Variants in SLC4A11 observed in about 807,000 individuals in gnomAD.
SLC4A11 encodes solute carrier family 4 member 11, also known as bicarbonate transporter related protein 1.
In SLC4A11, 74 loss-of-function variants were observed where a neutral mutation model predicts 95.0. The observed-to-expected ratio is 0.78, with a 90% CI of 0.65 to 0.95. The LOEUF (loss-of-function observed/expected upper bound fraction) is 0.95, where lower values mean the gene tolerates loss of function less well. SLC4A11 is among the 40% of genes least tolerant of loss of function. The pLI is 0.00. For synonymous variants in SLC4A11, 548 were observed against 519.0 expected (o/e 1.06, Z -0.76); for missense variants, 1,081 against 1,192.4 (o/e 0.91, Z 1.38).
intron 1 of SLC4A11, chr20:3,237,835 C>A: frequency 6.4e-7 from 1 of 1,559,104 alleles, no homozygotes; most frequent in South Asian, 1.2e-5. Flanking sequence ...CCAGGCGGGC[C>A]AGAGGCGAGG....
chr20:3,229,057 C>CGGGG (rs767801786), intron 16 of SLC4A11, 38 bp downstream of exon 16: 35 of 1,551,276 alleles, frequency 2.3e-5, no homozygotes, highest in Non-Finnish European at 2.9e-5. Flanking sequence ...AGCAGAGGCC[C>CGGGG]GGGCCCCGCC....
intron 10 of SLC4A11, 21 bp downstream of exon 10, chr20:3,230,912 C>A: frequency 1.2e-6 from 2 of 1,612,700 alleles, no homozygotes; most frequent in Non-Finnish European, 1.7e-6. Context: ...CCCCACCCAC[C>A]GCCCACCGCC....
At chr20:3,236,026 C>A (rs187601322) in intron 2 of SLC4A11, among the ~76,000 whole-genome samples, 80 of 152,270 alleles carry the variant, frequency 5.3e-4, no homozygotes, top group Non-Finnish European at 7.5e-4. Context: ...AGGAAAGGGG[C>A]CCTTATAGCC....
intron 1 of SLC4A11, chr20:3,238,108 C>A (rs943705047): frequency 1.4e-6 from 2 of 1,457,232 alleles, no homozygotes; most frequent in African/African-American, 2.9e-5. Context: ...CCCCGGGTCA[C>A]ACGGGGGCCG....
chr20:3,229,274 G>C lies in SLC4A11; in HGVS notation c.1850-11C>G. 1.9e-6 allele frequency: 3 copies of C among 1,612,990 alleles called. No individual in the cohort carries two copies. The highest frequency in any genetic ancestry group is 2.5e-6 in the Non-Finnish European group (3 of 1,179,954). ...AGCGGAACTTGCTCACTGCAGTAGG[G>C]GACAGGCTACTGCTATGCCTGCAGC... On this transcript the variant is annotated splice_polypyrimidine_tract_variant and intron_variant, in intron 15 of 19. Coordinates refer to ENST00000642402, the MANE Select transcript of SLC4A11 (RefSeq NM_001174089.2).
At chr20:3,237,907 C>G in intron 1 of SLC4A11, 1 of 1,550,706 alleles carries the variant, frequency 6.4e-7, no homozygotes, top group Non-Finnish European at 8.7e-7. Context: ...TTCGCTAATC[C>G]AGGTTTTCCT....
At chr20:3,236,121 C>T (rs963129088) in intron 2 of SLC4A11, among the ~76,000 whole-genome samples, 4 of 152,198 alleles carry the variant, frequency 2.6e-5, no homozygotes, top group Middle Eastern at 3.2e-3. Flanking sequence ...GAGTGACTCA[C>T]CCTGACTCAC....
chr20:3,236,129 C>A (rs1360873115), intron 2 of SLC4A11, among the ~76,000 whole-genome samples: 2 of 152,182 alleles, frequency 1.3e-5, no homozygotes, highest in Non-Finnish European at 2.9e-5. Context: ...CACCCTGACT[C>A]ACTTCTACTC....
In SLC4A11 at chr20:3,230,950, T is replaced by C; in HGVS notation, c.1151A>G (p.Asn384Ser). Residue 384 changes from asparagine to serine, a missense_variant, in exon 10 of 20, where the codon AAC (asparagine) becomes AGC (serine). Around this residue, in one of 3 missense-constraint regions of SLC4A11, gnomAD observed 767 missense variants for 858.0 expected, o/e 0.89. Coordinates refer to ENST00000642402, the MANE Select transcript of SLC4A11 (RefSeq NM_001174089.2). Reference protein sequence around the residue: ...TIAFGSLNDENTDGAIDVQKT... With the variant: ...TIAFGSLNDESTDGAIDVQKT... ...CCCCTCACCGATGGCCCCGTCTGTG[T>C]TCTCGTCATTGAGAGACCCGAAAGC... The C allele has an allele frequency of 6.2e-7, 1 of 1,612,788 alleles. No individual in the cohort carries two copies. The highest frequency in any genetic ancestry group is 8.5e-7 in the Non-Finnish European group (1 of 1,179,596).
Position 3,228,691 on chromosome 20 carries a change from CCTT to C in SLC4A11, c.2206_2208del (p.Lys736del). 6.2e-7 allele frequency: 1 copy of C among 1,612,972 alleles called. No individual in the cohort carries two copies. Among genetic ancestry groups the C allele is most frequent in the Non-Finnish European group, 8.5e-7 (1 of 1,179,910 alleles). On this transcript the variant is annotated inframe_deletion, in exon 18 of 20. Coordinates refer to ENST00000642402, the MANE Select transcript of SLC4A11 (RefSeq NM_001174089.2). ...GCGCCCAGCGAGGTCAGCCGCGTCT[CCTT>C]CACGTTCACAATCCTGCGGTGGCCC...
intron 1 of SLC4A11, 157 bp downstream of exon 1, chr20:3,238,938 C>T (rs1445615340): frequency 9.5e-5 from 120 of 1,262,318 alleles, no homozygotes; most frequent in Non-Finnish European, 1.1e-4. Context: ...GCACCCGCGC[C>T]CTCCTCCCCG....
In SLC4A11 at chr20:3,231,363, G is replaced by A. The variant is rs764704920; in HGVS notation, c.915C>T (p.Ser305=). ...GPVAPRTKER[S]TVSLPAHRHP... ...GTCTGTGGGCAGGGAGGGAGACTGT[G>A]CTGCGTTCCTTCGTTCTCGGCGCCA... Residue 305 remains serine, a synonymous_variant, in exon 8 of 20, where the codon AGC becomes AGT. Coordinates refer to ENST00000642402, the MANE Select transcript of SLC4A11 (RefSeq NM_001174089.2). The surrounding 1 kb of genome is among the most constrained non-coding windows in gnomAD (Gnocchi z 5.2). 8.4e-5 allele frequency: 136 copies of A among 1,613,962 alleles called. No individual in the cohort carries two copies. Among genetic ancestry groups the A allele is most frequent in the Non-Finnish European group, 1.1e-4 (127 of 1,180,042 alleles).
At position 3,227,663 on chromosome 20, in the gene SLC4A11, G is replaced by T; in HGVS notation, c.*124C>A. On this transcript the variant is annotated 3_prime_UTR_variant, in exon 20 of 20. Transcript: ENST00000642402. ...CAATGCCCAGATGCCCCAGGCCTGA[G>T]TCAGCCATGAGAAGGCGCAGCACAG... 1 of 1,018,680 alleles carries T rather than the reference G, an allele frequency of 9.8e-7. No homozygotes were observed. The highest frequency in any genetic ancestry group is 1.5e-6 in the Non-Finnish European group (1 of 673,324). 63.1% of individuals were successfully genotyped at this position (1,018,680 alleles called of 1,614,324 possible).
intron 6 of SLC4A11, 56 bp from the exon 7 acceptor site, chr20:3,233,693 C>T (rs2067860758): frequency 6.2e-7 from 1 of 1,604,258 alleles, no homozygotes; most frequent in Non-Finnish European, 8.5e-7. Flanking sequence ...GCTGGGGCTC[C>T]CCGACCCAGA....
chr20:3,237,965 C>A lies in SLC4A11; in HGVS notation c.44-377G>T, dbSNP rs773188137. ...GCGAGAGGAAGGGACCGGGCCCGAGCGGGCCTCTCCCCCTCTCTCCTCGGA... is the reference window on the plus strand; with the variant it reads ...GCGAGAGGAAGGGACCGGGCCCGAGAGGGCCTCTCCCCCTCTCTCCTCGGA... On this transcript the variant is annotated intron_variant, in intron 1 of 19. Coordinates refer to ENST00000642402, the MANE Select transcript of SLC4A11 (RefSeq NM_001174089.2). 5.8e-6 allele frequency: 9 copies of A among 1,550,300 alleles called. 1 individual carries two copies. The South Asian group carries it at 1.1e-4, about 18-fold the overall frequency.
Position 3,234,362 on chromosome 20 carries a change from C to A in SLC4A11, c.292-48G>T. On this transcript the variant is annotated intron_variant, in intron 4 of 19. Coordinates refer to ENST00000642402, the MANE Select transcript of SLC4A11 (RefSeq NM_001174089.2). The surrounding 1 kb of genome is among the most constrained non-coding windows in gnomAD (Gnocchi z 5.8). ...ACCACACGGGCCCATGTATGAGATG[C>A]TGTCACTGCCTGGTCCCTCCCTCCC... 6.4e-7 allele frequency: 1 copy of A among 1,563,624 alleles called. No homozygotes were observed. Among genetic ancestry groups the A allele is most frequent in the South Asian group, 1.1e-5 (1 of 89,770 alleles).
chr20:3,233,454 G>A lies in SLC4A11; in HGVS notation c.729+60C>T, dbSNP rs1278309216. 1.9e-6 allele frequency: 3 copies of A among 1,607,728 alleles called. No individual in the cohort carries two copies. The African/African-American group carries it at 4.0e-5, about 21-fold the overall frequency. On this transcript the variant is annotated intron_variant, in intron 7 of 19. Coordinates refer to ENST00000642402, the MANE Select transcript of SLC4A11 (RefSeq NM_001174089.2). ...CAGGACATGTGGGAGGGGACCCCAA[G>A]CAGAGGGCGGGTAACCCGGGGCCCT...
In SLC4A11 at chr20:3,239,174, G is replaced by T. The variant is rs2068080726; in HGVS notation, c.-37C>A. On this transcript the variant is annotated 5_prime_UTR_variant, in exon 1 of 20. Coordinates refer to ENST00000642402, the MANE Select transcript of SLC4A11 (RefSeq NM_001174089.2). ...GCACTCACGGCCGGGCTCCTCACGCGGCGCTCCGGCGCTTCTGGACCCCAA... is the reference window on the plus strand; with the variant it reads ...GCACTCACGGCCGGGCTCCTCACGCTGCGCTCCGGCGCTTCTGGACCCCAA... 7.0e-7 allele frequency: 1 copy of T among 1,430,362 alleles called. No individual in the cohort carries two copies. The highest frequency in any genetic ancestry group is 9.2e-7 in the Non-Finnish European group (1 of 1,092,606). The allele number at this position is 1,430,362 out of a possible 1,614,324, so 88.6% of individuals were successfully genotyped here. A position where few individuals can be genotyped will look rare whatever the true frequency, so the allele number is the denominator to read the frequency against.
At position 3,234,035 on chromosome 20, in the gene SLC4A11, C is replaced by G. The variant is rs764536511; in HGVS notation, c.524-33G>C. On this transcript the variant is annotated intron_variant, in intron 5 of 19. Transcript: ENST00000642402. This position sits in a 1 kb window ranked among gnomAD's most constrained non-coding sequence, Gnocchi z 5.8. ...AAGAGTGAGGGGGAGGGTGGTGGGT[C>G]AACAGCCCCTCCCAACGCCCCCGCC... The G allele has an allele frequency of 6.2e-7, 1 of 1,613,692 alleles. No individual in the cohort carries two copies. Among genetic ancestry groups the G allele is most frequent in the Admixed American group, 1.7e-5 (1 of 60,024 alleles).
Sources: allele counts gnomAD v4.1 joint callset (sites outside exome capture counted in the v4.1 genomes callset), GRCh38; gene constraint gnomAD v4.1.1; regional missense constraint gnomAD v4.1.1; non-coding constraint Gnocchi (gnomAD v3.1); transcripts MANE v1.5; gene names NCBI Gene and HGNC (gene_info 2026-07-23, HGNC 2026-07-21).